Variants in RAB2A observed in about 807,000 individuals in gnomAD.
RAB2A encodes ras-related protein Rab-2A.
A neutral mutation model predicts 32.5 loss-of-function variants in RAB2A; 7 were observed. The observed-to-expected ratio is 0.22, with a 90% CI of 0.12 to 0.40. RAB2A has a LOEUF of 0.40. Ranked by LOEUF, RAB2A falls within the 10% of genes least tolerant of loss-of-function variation. The pLI is 1.00. For missense variants in RAB2A, 108 were observed against 260.7 expected, an observed-to-expected ratio of 0.41 and a Z score of 4.03; for synonymous variants, 79 against 85.2, an observed-to-expected ratio of 0.93 and a Z score of 0.40.
chr8:60,518,652 A>G lies in RAB2A; in HGVS notation c.46+1399A>G, dbSNP rs1241677887. 2.0e-5 allele frequency among the ~76,000 whole-genome samples: 3 copies of G among 150,932 alleles called. No individual in the cohort carries two copies. In the East Asian group the frequency reaches 5.8e-4, roughly 29 times the overall value. ...TATTTATTGCTGCCTGAAAGAAAAA[A>G]TTTCTGCTAGATACATGAGTTTTCA... On this transcript the variant is annotated intron_variant, in intron 1 of 7. Coordinates refer to ENST00000262646, the MANE Select transcript of RAB2A (RefSeq NM_002865.3).
chr8:60,560,470 G>A (rs977792271), intron 2 of RAB2A, among the ~76,000 whole-genome samples: 2 of 152,172 alleles, frequency 1.3e-5, no homozygotes, highest in Admixed American at 6.5e-5. Context: ...CTTTAGGCAT[G>A]ACTCATTTCT....
intron 1 of RAB2A, among the ~76,000 whole-genome samples, chr8:60,530,634 A>G (rs757416856): frequency 1.1e-4 from 16 of 151,952 alleles, no homozygotes; most frequent in Non-Finnish European, 2.2e-4. Context: ...AATGTAGCCC[A>G]TTTCTATATT....
chr8:60,567,105 ATCTT>A (rs1342628229), intron 2 of RAB2A, among the ~76,000 whole-genome samples: 3 of 149,336 alleles, frequency 2.0e-5, no homozygotes, highest in African/African-American at 7.4e-5. Flanking sequence ...TGTTTTGTTC[ATCTT>A]TCTTTTTTTC....
At chr8:60,588,725 A>T (rs747141353) in intron 5 of RAB2A, among the ~76,000 whole-genome samples, 2 of 152,190 alleles carry the variant, frequency 1.3e-5, no homozygotes, top group Non-Finnish European at 1.5e-5. Context: ...TGGGAGACTG[A>T]TGGCTTCACG....
At chr8:60,607,716 G>A (rs1016927415) in intron 6 of RAB2A, among the ~76,000 whole-genome samples, 4 of 152,174 alleles carry the variant, frequency 2.6e-5, no homozygotes, top group Non-Finnish European at 4.4e-5. Context: ...CTCAACTAAT[G>A]TAGATACTGC....
intron 3 of RAB2A, among the ~76,000 whole-genome samples, chr8:60,572,511 T>C (rs1351524306): frequency 1.3e-5 from 2 of 152,236 alleles, no homozygotes; most frequent in Admixed American, 6.5e-5. Flanking sequence ...TGAAGTCACG[T>C]TGCTCTTAAT....
rs375984579 is a variant in RAB2A at position 60,567,578 on chromosome 8, G to A, written c.119-4468G>A. ...TGAAAATAGTTTTATTCAATACATGGGCTAATTTGGAGATAATTTATGTTT... is the reference window on the plus strand; with the variant it reads ...TGAAAATAGTTTTATTCAATACATGAGCTAATTTGGAGATAATTTATGTTT... On this transcript the variant is annotated intron_variant, in intron 2 of 7. Coordinates refer to ENST00000262646, the MANE Select transcript of RAB2A (RefSeq NM_002865.3). Among the ~76,000 whole-genome samples, 26 of 151,910 alleles carry A rather than the reference G, an allele frequency of 1.7e-4. No homozygotes were observed. In the East Asian group the frequency reaches 2.9e-3, roughly 17 times the overall value.
At chr8:60,565,198 C>T (rs191232358) in intron 2 of RAB2A, among the ~76,000 whole-genome samples, 2 of 152,222 alleles carry the variant, frequency 1.3e-5, no homozygotes, top group East Asian at 1.9e-4. Context: ...GCAAGAGGAT[C>T]GCTTGATGCC....
chr8:60,518,471 C>A (rs1807246369), intron 1 of RAB2A, among the ~76,000 whole-genome samples: 3 of 151,844 alleles, frequency 2.0e-5, no homozygotes, highest in African/African-American at 7.3e-5. Flanking sequence ...GCTTGGCCAA[C>A]GTGGTGAAAC....
chr8:60,569,962 G>A (rs1179301563), intron 2 of RAB2A: 2 of 456,126 alleles, frequency 4.4e-6, no homozygotes, highest in East Asian at 6.9e-5. Context: ...CAGGAACAAA[G>A]CATCTTGGAG....
At chr8:60,518,371 T>A (rs948514777) in intron 1 of RAB2A, among the ~76,000 whole-genome samples, 2 of 152,102 alleles carry the variant, frequency 1.3e-5, no homozygotes, top group Non-Finnish European at 2.9e-5. Flanking sequence ...TAAAGAAGCA[T>A]GTTGGCCGGA....
At chr8:60,617,219 G>A (rs1804461723) in intron 6 of RAB2A, among the ~76,000 whole-genome samples, 1 of 152,060 alleles carries the variant, frequency 6.6e-6, no homozygotes, top group South Asian at 2.1e-4. Context: ...GAGAATGCTT[G>A]TGTATAAATT....
At chr8:60,546,444 C>T (rs894519289) in intron 1 of RAB2A, among the ~76,000 whole-genome samples, 1 of 152,026 alleles carries the variant, frequency 6.6e-6, no homozygotes, top group African/African-American at 2.4e-5. Context: ...GCAAGAAAAA[C>T]GAGTTGCTAG....
At chr8:60,559,271 TGCAAGCCA>T (rs1807984335) in intron 2 of RAB2A, 1 of 225,786 alleles carries the variant, frequency 4.4e-6, no homozygotes, top group Non-Finnish European at 8.9e-6. Context: ...TAACTTGCTG[TGCAAGCCA>T]TTTCCCCGTT....
At chr8:60,523,397 T>C (rs929211047) in intron 1 of RAB2A, among the ~76,000 whole-genome samples, 3 of 152,036 alleles carry the variant, frequency 2.0e-5, no homozygotes, top group East Asian at 3.9e-4. Flanking sequence ...GACCTCGTGA[T>C]CCGCCCGCCT....
intron 2 of RAB2A, among the ~76,000 whole-genome samples, chr8:60,570,233 A>G (rs1035070494): frequency 6.6e-6 from 1 of 152,180 alleles, no homozygotes; most frequent in African/African-American, 2.4e-5. Context: ...TGAGCAATAT[A>G]GATAGTTTTG....
At chr8:60,596,525 G>T (rs936031373) in intron 6 of RAB2A, among the ~76,000 whole-genome samples, 12 of 152,194 alleles carry the variant, frequency 7.9e-5, no homozygotes, top group Admixed American at 2.0e-4. Context: ...CATTTATGCG[G>T]CCAACAAACA....
chr8:60,549,188 C>T (rs1418289367), intron 1 of RAB2A, among the ~76,000 whole-genome samples: 1 of 150,464 alleles, frequency 6.6e-6, no homozygotes, highest in East Asian at 2.0e-4. Context: ...TCCTCACATC[C>T]CAGACGATGG....
intron 5 of RAB2A, among the ~76,000 whole-genome samples, chr8:60,585,686 T>C (rs1554556854): frequency 6.6e-6 from 1 of 152,154 alleles, no homozygotes; most frequent in Non-Finnish European, 1.5e-5. Context: ...AATCATGACT[T>C]ATATGATAAT....
Sources: gnomAD v4.1 joint callset for allele counts (sites outside exome capture counted in the v4.1 genomes callset) on GRCh38, gnomAD v4.1.1 for gene constraint, MANE v1.5 for transcripts, NCBI Gene and HGNC (gene_info 2026-07-23, HGNC 2026-07-21) for gene names.